The following BRD10 variants were observed in gnomAD, a reference collection of about 807,000 sequenced individuals.
The protein encoded by BRD10 is uncharacterized bromodomain-containing protein 10.
the BRD10 span, among the ~76,000 whole-genome samples, chr9:5,886,796 G>C: frequency 3.3e-5 from 5 of 152,216 alleles, no homozygotes; most frequent in South Asian, 2.1e-4. Context: ...GGATGTGGTA[G>C]GTTTTTCAAG....
the BRD10 span, chr9:5,969,112 C>T: frequency 6.2e-7 from 1 of 1,613,840 alleles, no homozygotes; most frequent in Non-Finnish European, 8.5e-7. Flanking sequence ...CTTTCTGCCT[C>T]AGCGCTGCTT....
the BRD10 span, among the ~76,000 whole-genome samples, chr9:5,996,268 C>T: frequency 6.6e-6 from 1 of 151,746 alleles, no homozygotes; most frequent in Non-Finnish European, 1.5e-5. Context: ...AGGTAAATGA[C>T]ATAACGCCCC....
the BRD10 span, among the ~76,000 whole-genome samples, chr9:6,003,977 A>G: frequency 6.6e-6 from 1 of 152,356 alleles, no homozygotes; most frequent in East Asian, 1.9e-4. Context: ...TGAAGCATAC[A>G]GAAGTATTTG....
the BRD10 span, chr9:5,954,086 G>C: frequency 1.3e-6 from 2 of 1,541,826 alleles, no homozygotes; most frequent in Non-Finnish European, 8.8e-7. Context: ...TTTAGAGACG[G>C]ATTTTTTTCC....
chr9:5,921,026 C>G, the BRD10 span: 1 of 1,613,764 alleles, frequency 6.2e-7, no homozygotes, highest in Non-Finnish European at 8.5e-7. Context: ...TAAATTTGCT[C>G]CGGTAACTGA....
At chr9:5,963,466 A>G in the BRD10 span, among the ~76,000 whole-genome samples, 1 of 145,738 alleles carries the variant, frequency 6.9e-6, no homozygotes, top group Admixed American at 6.9e-5. Flanking sequence ...ATATCGTGAA[A>G]ATGGCCATAC....
the BRD10 span, among the ~76,000 whole-genome samples, chr9:5,900,680 T>C: frequency 5.3e-5 from 8 of 152,206 alleles, no homozygotes; most frequent in Middle Eastern, 3.2e-3. Flanking sequence ...GGTTGGAATT[T>C]AGATCTCTTA....
the BRD10 span, among the ~76,000 whole-genome samples, chr9:5,899,616 C>G: frequency 6.6e-6 from 1 of 152,178 alleles, no homozygotes; most frequent in East Asian, 1.9e-4. Context: ...ATACGGCTGT[C>G]CACAACAGGT....
the BRD10 span, among the ~76,000 whole-genome samples, chr9:5,974,250 T>A: frequency 6.6e-6 from 1 of 152,122 alleles, no homozygotes; most frequent in Non-Finnish European, 1.5e-5. Context: ...TGAATTAATA[T>A]AACTGTCAAA....
At chr9:5,951,769 T>C in the BRD10 span, among the ~76,000 whole-genome samples, 1 of 151,760 alleles carries the variant, frequency 6.6e-6, no homozygotes, top group Non-Finnish European at 1.5e-5. Flanking sequence ...AGTTTACTAG[T>C]GACTAGCACT....
At chr9:5,949,916 A>G in the BRD10 span, among the ~76,000 whole-genome samples, 1 of 152,320 alleles carries the variant, frequency 6.6e-6, no homozygotes, top group East Asian at 1.9e-4. Flanking sequence ...TACAAAACAG[A>G]TAAAGGAAAA....
At chr9:5,943,043 A>T in the BRD10 span, among the ~76,000 whole-genome samples, 1 of 151,978 alleles carries the variant, frequency 6.6e-6, no homozygotes, top group Non-Finnish European at 1.5e-5. Flanking sequence ...ACGCTGAGCT[A>T]ATTTTTTATT....
the BRD10 span, among the ~76,000 whole-genome samples, chr9:5,938,504 T>C: frequency 7.9e-5 from 12 of 152,134 alleles, no homozygotes; most frequent in Non-Finnish European, 1.6e-4. Context: ...AGGTTGAGGA[T>C]AAAATCTTAC....
At chr9:5,896,223 C>T in the BRD10 span, among the ~76,000 whole-genome samples, 4,530 of 152,286 alleles carry the variant, frequency 0.03, 100 homozygotes, top group Non-Finnish European at 0.048. Context: ...ATTCCTAACT[C>T]CGAGGACTGT....
At chr9:5,906,196 A>AG in the BRD10 span, among the ~76,000 whole-genome samples, 14 of 151,294 alleles carry the variant, frequency 9.3e-5, no homozygotes, top group Non-Finnish European at 1.5e-4. Flanking sequence ...TAAAAAAAAA[A>AG]AAAGAAAGAA....
the BRD10 span, among the ~76,000 whole-genome samples, chr9:5,915,591 T>A: frequency 2.0e-5 from 3 of 152,218 alleles, no homozygotes; most frequent in African/African-American, 7.2e-5. Flanking sequence ...GTTCCCTACA[T>A]GCTCCTTGGG....
At chr9:5,928,909 C>T in the BRD10 span, 1 of 539,538 alleles carries the variant, frequency 1.9e-6, no homozygotes, top group South Asian at 3.2e-5. Flanking sequence ...AAGAGCCTTG[C>T]ACACAGTGGG....
the BRD10 span, chr9:5,908,952 G>A: frequency 4.5e-6 from 2 of 446,334 alleles, 1 homozygote; most frequent in Middle Eastern, 1.2e-3. Flanking sequence ...TACTATCTGT[G>A]CCAGAGGTAA....
the BRD10 span, chr9:6,007,882 C>A: frequency 4.4e-6 from 6 of 1,368,260 alleles, no homozygotes; most frequent in East Asian, 3.0e-5. Flanking sequence ...TCGGCCGCGG[C>A]GCGTAGCCCC....
Sources: allele counts gnomAD v4.1 joint callset (sites outside exome capture counted in the v4.1 genomes callset), GRCh38; gene constraint gnomAD v4.1.1; transcripts MANE v1.5; gene names NCBI Gene and HGNC (gene_info 2026-07-23, HGNC 2026-07-21).